TCF7L2: variants seen among roughly 807,000 people sequenced by gnomAD.
TCF7L2 encodes the protein transcription factor 7-like 2.
TCF7L2 carries 23 observed loss-of-function variants against 77.9 expected under a neutral mutation model. The ratio of observed to expected loss-of-function variants is 0.30; its 90% CI spans 0.21 to 0.42. TCF7L2 has a LOEUF of 0.42. Ranked by LOEUF, TCF7L2 falls within the 10% of genes least tolerant of loss-of-function variation. TCF7L2 has a pLI of 1.00. For synonymous variants in TCF7L2, 413 were observed against 340.2 expected, an observed-to-expected ratio of 1.21 and a Z score of -2.36; for missense variants, 654 against 793.1, an observed-to-expected ratio of 0.82 and a Z score of 2.11.
chr10:112,955,362 A>C (rs910093993), intron 3 of TCF7L2, among the ~76,000 whole-genome samples: 4 of 152,170 alleles, frequency 2.6e-5, no homozygotes, highest in Admixed American at 6.5e-5. Context: ...ATTCCATGCT[A>C]ATCTTTATAG....
In TCF7L2 at chr10:113,003,049, A is replaced by G. The variant is rs767774584; in HGVS notation, c.451-36976A>G. The stretch of plus-strand genomic sequence containing the variant: ...AAATAAATTAATTTTTGGAATCTCA[A>G]ACTATCAGAGACTTATGTAATAACC... On this transcript the variant is annotated intron_variant, in intron 4 of 13. Coordinates refer to ENST00000627217, the MANE Select transcript of TCF7L2 (RefSeq NM_001146274.2). 5.6e-4 allele frequency among the ~76,000 whole-genome samples: 85 copies of G among 152,228 alleles called. 1 individual carries two copies. The highest frequency in any genetic ancestry group is 1.8e-4 in the Non-Finnish European group (12 of 68,032).
intron 5 of TCF7L2, among the ~76,000 whole-genome samples, chr10:113,046,564 G>T (rs1054804123): frequency 6.6e-6 from 1 of 152,074 alleles, no homozygotes; most frequent in Middle Eastern, 3.2e-3. Flanking sequence ...ACAATTTGAA[G>T]GTAGCTATTG....
intron 4 of TCF7L2, among the ~76,000 whole-genome samples, chr10:112,998,015 G>T (rs1174516993): frequency 1.3e-5 from 2 of 151,970 alleles, no homozygotes; most frequent in African/African-American, 4.8e-5. Context: ...AAGGTGTGGG[G>T]GTATATGGTA....
rs1367102600 is a variant in TCF7L2 at position 113,166,394 on chromosome 10, C to G, written c.*422C>G. On this transcript the variant is annotated 3_prime_UTR_variant, in exon 14 of 14. Transcript: ENST00000627217. ...TTGTATTAAATACGAGCTTGCGAAC[C>G]AATCATTTTACATCTGGTTTTTAAA... 2.2e-5 allele frequency: 5 copies of G among 227,584 alleles called. No homozygotes were observed. The highest frequency in any genetic ancestry group is 4.3e-5 in the Non-Finnish European group (5 of 116,032). 14.1% of individuals were successfully genotyped at this position (227,584 alleles called of 1,614,324 possible). A position where few individuals can be genotyped will look rare whatever the true frequency, so the allele number is the denominator to read the frequency against.
intron 5 of TCF7L2, among the ~76,000 whole-genome samples, chr10:113,130,788 G>A (rs946301178): frequency 5.9e-5 from 9 of 151,398 alleles, no homozygotes; most frequent in African/African-American, 1.5e-4. Flanking sequence ...TTTTTGAGAC[G>A]GAGTTTCGCT....
At chr10:113,122,593 G>T (rs1197523291) in intron 5 of TCF7L2, among the ~76,000 whole-genome samples, 1 of 152,132 alleles carries the variant, frequency 6.6e-6, no homozygotes, top group Non-Finnish European at 1.5e-5. Context: ...CTATCAGGAA[G>T]AAATTGTATG....
chr10:113,061,352 A>C (rs746502506), intron 5 of TCF7L2, among the ~76,000 whole-genome samples: 14 of 152,190 alleles, frequency 9.2e-5, no homozygotes, highest in Non-Finnish European at 1.6e-4. Context: ...CAGCGTCTGC[A>C]TGGAGATCTG....
intron 5 of TCF7L2, among the ~76,000 whole-genome samples, chr10:113,060,952 T>G (rs2056341876): frequency 6.6e-6 from 1 of 152,134 alleles, no homozygotes; most frequent in African/African-American, 2.4e-5. Context: ...AAATCTTGCA[T>G]TTTTTATCTG....
intron 13 of TCF7L2, among the ~76,000 whole-genome samples, chr10:113,165,073 TCACA>T (rs1162961719): frequency 1.3e-5 from 2 of 151,830 alleles, no homozygotes; most frequent in African/African-American, 4.8e-5. Context: ...ACTCACACAC[TCACA>T]CACACACATC....
At chr10:113,089,768 G>A (rs987259603) in intron 5 of TCF7L2, among the ~76,000 whole-genome samples, 1 of 152,112 alleles carries the variant, frequency 6.6e-6, no homozygotes, top group Non-Finnish European at 1.5e-5. Context: ...GGTGGTGCTC[G>A]CATGACTCCA....
rs184306293 is a variant in TCF7L2, at chr10:113,046,932, C to T, written c.552+6806C>T. On this transcript the variant is annotated intron_variant, in intron 5 of 13. Coordinates refer to ENST00000627217, the MANE Select transcript of TCF7L2 (RefSeq NM_001146274.2). Reference sequence around the variant, plus strand: ...AGCTCATAGTGCTCAGTATTTCCAACGTTCTGTTTATTTAAGATGAAAATT... The same window carrying T: ...AGCTCATAGTGCTCAGTATTTCCAATGTTCTGTTTATTTAAGATGAAAATT... Among the ~76,000 whole-genome samples the T allele has an allele frequency of 4.8e-3, 730 of 152,210 alleles. 5 individuals are homozygous for T. Among genetic ancestry groups the T allele is most frequent in the Non-Finnish European group, 6.6e-3 (446 of 68,020 alleles).
intron 4 of TCF7L2, among the ~76,000 whole-genome samples, chr10:112,996,888 G>C (rs1282355446): frequency 1.3e-5 from 2 of 152,342 alleles, no homozygotes; most frequent in African/African-American, 2.4e-5. Context: ...ACTGCAGGGA[G>C]ACTGTGCTTC....
chr10:113,120,586 G>GA (rs1356686266), intron 5 of TCF7L2, among the ~76,000 whole-genome samples: 2 of 152,158 alleles, frequency 1.3e-5, no homozygotes, highest in Non-Finnish European at 2.9e-5. Context: ...TGGGTACTGA[G>GA]AAAATCATAC....
At chr10:112,960,833 G>A (rs549461354) in intron 3 of TCF7L2, among the ~76,000 whole-genome samples, 18 of 145,512 alleles carry the variant, frequency 1.2e-4, no homozygotes, top group Admixed American at 2.7e-4. Context: ...GATTATAGGC[G>A]CACACCACCA....
intron 5 of TCF7L2, among the ~76,000 whole-genome samples, chr10:113,130,423 T>C (rs2066399240): frequency 6.6e-6 from 1 of 152,244 alleles, no homozygotes. Context: ...GAGCATACTT[T>C]AAAAGCTTGA....
intron 4 of TCF7L2, among the ~76,000 whole-genome samples, chr10:113,025,940 G>A (rs888684124): frequency 2.6e-5 from 4 of 151,340 alleles, no homozygotes; most frequent in Middle Eastern, 3.2e-3. Context: ...TGACAGTGGT[G>A]CTATCTCGGC....
At chr10:113,033,766 A>C (rs550357732) in intron 4 of TCF7L2, among the ~76,000 whole-genome samples, 3 of 152,292 alleles carry the variant, frequency 2.0e-5, no homozygotes, top group Non-Finnish European at 4.4e-5. Flanking sequence ...TTCCTGGAGT[A>C]TGTTTTTACT....
intron 4 of TCF7L2, among the ~76,000 whole-genome samples, chr10:113,030,420 C>A (rs1243156166): frequency 6.6e-6 from 1 of 152,158 alleles, no homozygotes; most frequent in Non-Finnish European, 1.5e-5. Flanking sequence ...TTTTCCTGGT[C>A]TCCTGTTGCC....
chr10:113,031,536 G>A (rs994156851), intron 4 of TCF7L2, among the ~76,000 whole-genome samples: 30 of 149,286 alleles, frequency 2.0e-4, no homozygotes, highest in African/African-American at 6.9e-4. Context: ...TGCCCAAGCT[G>A]GAGTGCAGTT....
Sources: gnomAD v4.1 joint callset for allele counts (sites outside exome capture counted in the v4.1 genomes callset) on GRCh38, gnomAD v4.1.1 for gene constraint, MANE v1.5 for transcripts, NCBI Gene and HGNC (gene_info 2026-07-23, HGNC 2026-07-21) for gene names.